The following RAD51B variants were observed in gnomAD, a reference collection of about 807,000 sequenced individuals.
The protein encoded by RAD51B is RAD51 paralog B, also known as DNA repair protein RAD51 homolog 2.
In RAD51B, 38 loss-of-function variants were observed where a neutral mutation model predicts 42.2. That is an observed-to-expected ratio of 0.90 (90% CI 0.70 to 1.18). RAD51B has a LOEUF of 1.18. RAD51B is among the 50% of genes most tolerant of loss of function. RAD51B has a pLI of 0.00. For missense variants in RAD51B, 373 were observed against 400.7 expected (o/e 0.93, Z 0.59); for synonymous variants, 154 against 145.2 (o/e 1.06, Z -0.43).
Position 67,968,516 on chromosome 14 carries a change from C to G in RAD51B, c.756+81312C>G, listed in dbSNP as rs554568162. Among the ~76,000 whole-genome samples the G allele has an allele frequency of 1.1e-4, 16 of 152,280 alleles. No homozygotes were observed. The South Asian group carries it at 3.3e-3, about 32-fold the overall frequency. The stretch of plus-strand genomic sequence containing the variant: ...GCTTAGAAATTTCTTCTACCAGATA[C>G]CCTCAATCATCTCTCTCAAGTTCAA... On this transcript the variant is annotated intron_variant, in intron 7 of 10. Coordinates refer to ENST00000471583, the MANE Select transcript of RAD51B (RefSeq NM_133510.4).
intron 9 of RAD51B, among the ~76,000 whole-genome samples, chr14:68,425,663 G>A (rs1044713296): frequency 1.3e-5 from 2 of 152,282 alleles, no homozygotes; most frequent in Middle Eastern, 6.8e-3. Flanking sequence ...GGTTATACCA[G>A]GACAAAATGG....
At position 68,548,720 on chromosome 14, in the gene RAD51B, C is replaced by T. The variant is rs1183091973; in HGVS notation, c.1037-45765C>T. Among the ~76,000 whole-genome samples the T allele has an allele frequency of 3.3e-5, 5 of 152,194 alleles. No individual in the cohort carries two copies. The East Asian group carries it at 7.7e-4, about 23-fold the overall frequency. On this transcript the variant is annotated intron_variant, in intron 10 of 10. Coordinates refer to the RAD51B transcript ENST00000487270. ...GGCCGGAAGTGTAGTCAGTGATGCG[C>T]AGGGTGGGCGTCCTGACACTGCTAA...
At chr14:68,435,597 T>C (rs2085128659) in intron 9 of RAD51B, among the ~76,000 whole-genome samples, 1 of 150,852 alleles carries the variant, frequency 6.6e-6, no homozygotes, top group African/African-American at 2.4e-5. Context: ...TTGCAAAATC[T>C]CCAAACTGCT....
In RAD51B at chr14:68,551,738, T is replaced by C. The variant is rs1345059425; in HGVS notation, c.1037-42747T>C. ...GTGATATCCTTAATAATAATAATAA[T>C]AGCTCTGCATTATTAATCATTTTCC... On this transcript the variant is annotated intron_variant, in intron 10 of 10. Coordinates refer to the RAD51B transcript ENST00000487270. Among the ~76,000 whole-genome samples, 3 of 152,240 alleles carry C rather than the reference T, an allele frequency of 2.0e-5. 1 individual carries two copies. The East Asian group carries it at 5.8e-4, about 29-fold the overall frequency.
intron 7 of RAD51B, among the ~76,000 whole-genome samples, chr14:68,097,759 A>G (rs34910407): frequency 0.014 from 2,157 of 152,294 alleles, 25 homozygotes; most frequent in Non-Finnish European, 0.024. Flanking sequence ...ATGTTCTACA[A>G]AGTTATCAAA....
At chr14:68,125,533 A>G (rs753220210) in intron 7 of RAD51B, 5 of 152,260 alleles carry the variant, frequency 3.3e-5, no homozygotes, top group Admixed American at 6.5e-5. Flanking sequence ...ATCAATGCAA[A>G]TGACTGTGCT....
intron 3 of RAD51B, among the ~76,000 whole-genome samples, chr14:67,830,555 T>C (rs986929121): frequency 6.6e-6 from 1 of 151,926 alleles, no homozygotes; most frequent in South Asian, 2.1e-4. Context: ...ACATGCACCA[T>C]CACACCTGGC....
chr14:68,612,602 G>C (rs1891719430), downstream of RAD51B, among the ~76,000 whole-genome samples: 1 of 152,198 alleles, frequency 6.6e-6, no homozygotes, highest in Non-Finnish European at 1.5e-5. Flanking sequence ...GTGATTACCA[G>C]AGGTTGGGGT....
intron 9 of RAD51B, among the ~76,000 whole-genome samples, chr14:68,443,924 C>G (rs1213121365): frequency 6.6e-6 from 1 of 151,952 alleles, no homozygotes; most frequent in Non-Finnish European, 1.5e-5. Context: ...AAACCGAATT[C>G]ATGGATAAGA....
At chr14:68,264,554 A>T (rs530581415) in intron 7 of RAD51B, among the ~76,000 whole-genome samples, 2 of 152,240 alleles carry the variant, frequency 1.3e-5, no homozygotes, top group Non-Finnish European at 2.9e-5. Flanking sequence ...TGCCAGAAGT[A>T]CAGGAGGCAT....
chr14:67,894,043 A>G (rs1248505722), intron 7 of RAD51B, among the ~76,000 whole-genome samples: 2 of 152,206 alleles, frequency 1.3e-5, no homozygotes, highest in African/African-American at 4.8e-5. Flanking sequence ...TGCTAATTTT[A>G]TGACCTTGAA....
intron 7 of RAD51B, among the ~76,000 whole-genome samples, chr14:68,051,958 A>C (rs898586596): frequency 6.6e-6 from 1 of 152,148 alleles, no homozygotes; most frequent in African/African-American, 2.4e-5. Flanking sequence ...TTCAAAACTA[A>C]GAAGAAAAGA....
intron 11 of RAD51B, among the ~76,000 whole-genome samples, chr14:68,661,470 C>A (rs998466752): frequency 4.6e-5 from 7 of 152,166 alleles, no homozygotes; most frequent in Non-Finnish European, 8.8e-5. Context: ...GGGGGAAATT[C>A]AATCCCAGAT....
intron 7 of RAD51B, among the ~76,000 whole-genome samples, chr14:68,168,410 T>C (rs1428860433): frequency 2.0e-5 from 3 of 152,130 alleles, no homozygotes; most frequent in African/African-American, 7.2e-5. Context: ...TTACCAACGA[T>C]CTATGAGGAG....
At chr14:68,321,963 G>A (rs541274819) in intron 8 of RAD51B, among the ~76,000 whole-genome samples, 157 of 152,116 alleles carry the variant, frequency 1.0e-3, no homozygotes, top group Middle Eastern at 3.4e-3. Flanking sequence ...TGGTAGAGGT[G>A]GAGTTTCACC....
intron 10 of RAD51B, among the ~76,000 whole-genome samples, chr14:68,538,121 G>A (rs2140362232): frequency 6.6e-6 from 1 of 152,318 alleles, no homozygotes; most frequent in South Asian, 2.1e-4. Context: ...ATGGGCCAAA[G>A]AGCCAAGACA....
At chr14:68,399,015 C>A (rs2084007571) in intron 8 of RAD51B, among the ~76,000 whole-genome samples, 1 of 152,116 alleles carries the variant, frequency 6.6e-6, no homozygotes, top group Admixed American at 6.6e-5. Context: ...GCCTAGGATT[C>A]TGCATTTTAC....
intron 7 of RAD51B, among the ~76,000 whole-genome samples, chr14:68,085,314 G>T (rs2076967863): frequency 6.6e-6 from 1 of 152,156 alleles, no homozygotes; most frequent in Non-Finnish European, 1.5e-5. Flanking sequence ...GTTCTTCAGG[G>T]TATATAGCTA....
chr14:67,823,473 A>G (rs762564895), intron 1 of RAD51B, 69 bp from the exon 2 acceptor site: 25 of 1,339,044 alleles, frequency 1.9e-5, no homozygotes, highest in Non-Finnish European at 2.5e-5. Context: ...TGGATAGCCT[A>G]TTCACTATCA....
Sources: gnomAD v4.1 joint callset for allele counts (sites outside exome capture counted in the v4.1 genomes callset) on GRCh38, gnomAD v4.1.1 for gene constraint, MANE v1.5 for transcripts, NCBI Gene and HGNC (gene_info 2026-07-23, HGNC 2026-07-21) for gene names.